NRXN3: variants seen among roughly 807,000 people sequenced by gnomAD.
The protein encoded by NRXN3 is neurexin III.
In NRXN3, 32 loss-of-function variants were observed where a neutral mutation model predicts 137.6. The ratio of observed to expected loss-of-function variants is 0.23; its 90% CI spans 0.18 to 0.31. NRXN3 has a LOEUF of 0.31. NRXN3 is among the 10% of genes least tolerant of loss of function. The pLI, the probability that NRXN3 is intolerant of heterozygous loss-of-function variation, is 1.00. For missense variants in NRXN3, 1,574 were observed against 2,062.5 expected (o/e 0.76, Z 4.59); for synonymous variants, 798 against 784.5 (o/e 1.02, Z -0.29).
chr14:78,901,653 T>C (rs2099196848), intron 10 of NRXN3, among the ~76,000 whole-genome samples: 1 of 151,936 alleles, frequency 6.6e-6, no homozygotes, highest in African/African-American at 2.4e-5. Context: ...CCAAACAAAT[T>C]AATTGTGTTA....
At chr14:78,635,004 C>T (rs1314569420) in intron 4 of NRXN3, among the ~76,000 whole-genome samples, 2 of 152,148 alleles carry the variant, frequency 1.3e-5, no homozygotes, top group Non-Finnish European at 2.9e-5. Flanking sequence ...CTTGGTACCA[C>T]CTCTAGATCC....
At chr14:79,808,067 T>C (rs1263734129) in intron 20 of NRXN3, among the ~76,000 whole-genome samples, 1 of 151,714 alleles carries the variant, frequency 6.6e-6, no homozygotes, top group African/African-American at 2.4e-5. Context: ...TGAAACCCCG[T>C]CTCTACTAAT....
At chr14:78,230,719 G>A (rs973843670) in intron 1 of NRXN3, among the ~76,000 whole-genome samples, 24 of 152,146 alleles carry the variant, frequency 1.6e-4, no homozygotes, top group African/African-American at 5.8e-4. Flanking sequence ...AGGTAGCATG[G>A]CTGGGGCACA....
intron 1 of NRXN3, among the ~76,000 whole-genome samples, chr14:78,188,176 T>C (rs2060403438): frequency 6.6e-6 from 1 of 152,050 alleles, no homozygotes; most frequent in East Asian, 1.9e-4. Flanking sequence ...GGATTCAAGG[T>C]TTTTCCCCTA....
rs186368380 is a variant in NRXN3, at chr14:78,628,612, G to A, written c.758-16508G>A. On this transcript the variant is annotated intron_variant, in intron 4 of 20. Coordinates refer to ENST00000335750, the MANE Select transcript of NRXN3 (RefSeq NM_001330195.2). The stretch of plus-strand genomic sequence containing the variant: ...AACTATGTTTATTTGGCTCTCCCTG[G>A]CCAACCCCAGTAATGGTTGGGTACA... Among the ~76,000 whole-genome samples the A allele has an allele frequency of 1.1e-4, 16 of 152,296 alleles. No individual in the cohort carries two copies. In the East Asian group the frequency reaches 2.9e-3, roughly 28 times the overall value.
At chr14:79,104,990 C>A (rs74859252) in intron 15 of NRXN3, among the ~76,000 whole-genome samples, 4,323 of 152,162 alleles carry the variant, frequency 0.028, 205 homozygotes, top group African/African-American at 0.099. Context: ...TATTTCATGT[C>A]TGGGCCCAGT....
chr14:79,621,930 A>G (rs2098228441), intron 16 of NRXN3, among the ~76,000 whole-genome samples: 1 of 152,146 alleles, frequency 6.6e-6, no homozygotes, highest in Non-Finnish European at 1.5e-5. Context: ...GATCCCTTGG[A>G]TATTTGTTTC....
At chr14:78,982,440 C>T (rs73317241) in intron 14 of NRXN3, among the ~76,000 whole-genome samples, 4,361 of 152,056 alleles carry the variant, frequency 0.029, 219 homozygotes, top group African/African-American at 0.1. Context: ...TGACAAAAAA[C>T]GGATGCACTG....
At chr14:78,568,582 A>G (rs915177065) in intron 4 of NRXN3, among the ~76,000 whole-genome samples, 4 of 152,000 alleles carry the variant, frequency 2.6e-5, no homozygotes, top group Non-Finnish European at 5.9e-5. Flanking sequence ...TTTCACCATA[A>G]CTCCCTACAA....
At chr14:78,592,790 G>A (rs575027764) in intron 4 of NRXN3, among the ~76,000 whole-genome samples, 26 of 152,296 alleles carry the variant, frequency 1.7e-4, no homozygotes, top group East Asian at 1.5e-3. Flanking sequence ...GGTATTGTGC[G>A]TGACAACTGG....
intron 15 of NRXN3, among the ~76,000 whole-genome samples, chr14:79,228,692 A>G (rs1447317039): frequency 1.3e-5 from 2 of 152,214 alleles, no homozygotes; most frequent in Non-Finnish European, 2.9e-5. Flanking sequence ...CATTAGCTAT[A>G]GCTGACTGAT....
chr14:78,735,157 G>T (rs2152913034), intron 8 of NRXN3, among the ~76,000 whole-genome samples: 1 of 152,278 alleles, frequency 6.6e-6, no homozygotes. Context: ...TCCTATATTT[G>T]TAGCACTTGA....
Position 78,456,902 on chromosome 14 carries a change from CTCCT to C in NRXN3, c.757+159059_757+159062del, listed in dbSNP as rs368874220. Among the ~76,000 whole-genome samples, 515 of 135,098 alleles carry C rather than the reference CTCCT, an allele frequency of 3.8e-3. 3 individuals carry two copies. The highest frequency in any genetic ancestry group is 0.013 in the African/African-American group (470 of 36,352). 88.6% of individuals were successfully genotyped at this position (135,098 alleles called of 152,430 possible). On this transcript the variant is annotated intron_variant, in intron 4 of 20. Transcript: ENST00000335750. The stretch of plus-strand genomic sequence containing the variant: ...CTTTCCTTCTTTCGTTCGTTCATTC[CTCCT>C]TCCTTCCTTCCTTCCTCTCTCCCTC...
intron 10 of NRXN3, among the ~76,000 whole-genome samples, chr14:78,819,797 G>A (rs538453786): frequency 3.3e-5 from 5 of 152,154 alleles, no homozygotes; most frequent in Non-Finnish European, 7.4e-5. Context: ...AAAACAGAAT[G>A]TAAGCTCAAC....
At chr14:78,487,213 T>C (rs1241085855) in intron 4 of NRXN3, among the ~76,000 whole-genome samples, 1 of 152,096 alleles carries the variant, frequency 6.6e-6, no homozygotes, top group Admixed American at 6.6e-5. Context: ...TGGAATCTGG[T>C]TGATATTTTT....
intron 20 of NRXN3, among the ~76,000 whole-genome samples, chr14:79,839,505 C>T (rs938854922): frequency 3.3e-5 from 5 of 152,110 alleles, no homozygotes; most frequent in African/African-American, 1.2e-4. Context: ...ATTAGTATTG[C>T]TGTTGAGTCA....
At chr14:78,226,933 A>T (rs2064749428) in intron 1 of NRXN3, among the ~76,000 whole-genome samples, 1 of 152,230 alleles carries the variant, frequency 6.6e-6, no homozygotes, top group South Asian at 2.1e-4. Flanking sequence ...AGAGTCTGGC[A>T]TAGGTGGGCC....
intron 15 of NRXN3, among the ~76,000 whole-genome samples, chr14:79,437,676 G>T (rs555818867): frequency 1.2e-4 from 19 of 152,264 alleles, no homozygotes; most frequent in African/African-American, 4.1e-4. Flanking sequence ...CCTGAAGCAG[G>T]CAATCTCTGC....
intron 11 of NRXN3, among the ~76,000 whole-genome samples, chr14:78,959,339 G>A (rs945810964): frequency 3.9e-5 from 6 of 152,158 alleles, no homozygotes; most frequent in African/African-American, 1.4e-4. Context: ...AAAACTTTGA[G>A]AGCGTTGTAT....
Sources: allele counts gnomAD v4.1 joint callset (sites outside exome capture counted in the v4.1 genomes callset), GRCh38; gene constraint gnomAD v4.1.1; transcripts MANE v1.5; gene names NCBI Gene and HGNC (gene_info 2026-07-23, HGNC 2026-07-21).